The following FGGY variants were observed in gnomAD, a reference collection of about 807,000 sequenced individuals.
FGGY encodes FGGY carbohydrate kinase domain containing.
A neutral mutation model predicts 71.3 loss-of-function variants in FGGY; 72 were observed. That is an observed-to-expected ratio of 1.01 (90% confidence interval 0.84 to 1.23). FGGY has a LOEUF of 1.23. Among genes scored for constraint, FGGY ranks in the 50% most tolerant of loss-of-function variants. FGGY has a pLI of 0.00. For missense variants in FGGY, 668 were observed against 682.3 expected, an observed-to-expected ratio of 0.98 and a Z score of 0.23; for synonymous variants, 251 against 250.3, an observed-to-expected ratio of 1.00 and a Z score of -0.02.
At chr1:59,407,975 C>G (rs1337100363) in intron 5 of FGGY, among the ~76,000 whole-genome samples, 1 of 152,158 alleles carries the variant, frequency 6.6e-6, no homozygotes, top group Non-Finnish European at 1.5e-5. Flanking sequence ...AGGAAAGGTA[C>G]TCTTTACTTT....
At chr1:59,475,183 T>C (rs1368849505) in intron 6 of FGGY, among the ~76,000 whole-genome samples, 1 of 152,182 alleles carries the variant, frequency 6.6e-6, no homozygotes, top group Non-Finnish European at 1.5e-5. Context: ...ACAACCTTTT[T>C]CCAACCAAGA....
chr1:59,732,029 A>G (rs1294910429), intron 14 of FGGY, among the ~76,000 whole-genome samples: 1 of 152,110 alleles, frequency 6.6e-6, no homozygotes, highest in Non-Finnish European at 1.5e-5. Context: ...TCATCTGTAA[A>G]ATGGAGGTAA....
chr1:59,668,840 A>C (rs192933085), intron 13 of FGGY, among the ~76,000 whole-genome samples: 1 of 151,998 alleles, frequency 6.6e-6, no homozygotes, highest in Non-Finnish European at 1.5e-5. Flanking sequence ...AAAAAAAAAA[A>C]ATTAGCCAGG....
At chr1:59,459,371 G>A (rs180805196) in intron 6 of FGGY, among the ~76,000 whole-genome samples, 24 of 152,278 alleles carry the variant, frequency 1.6e-4, no homozygotes, top group African/African-American at 5.8e-4. Flanking sequence ...GGAGGTATTT[G>A]GATGGCTTGG....
At chr1:59,727,143 T>C (rs1260875387) in intron 14 of FGGY, among the ~76,000 whole-genome samples, 1 of 152,222 alleles carries the variant, frequency 6.6e-6, no homozygotes, top group Non-Finnish European at 1.5e-5. Flanking sequence ...ATATGTGGTA[T>C]TTGGTTTTCT....
intron 7 of FGGY, among the ~76,000 whole-genome samples, chr1:59,518,882 G>A (rs1439560018): frequency 1.3e-5 from 2 of 152,144 alleles, no homozygotes; most frequent in Non-Finnish European, 2.9e-5. Context: ...TGCGAGAATG[G>A]ACTAATACAA....
chr1:59,525,922 ATGTG>A (rs2094964087), intron 7 of FGGY, among the ~76,000 whole-genome samples: 1 of 152,146 alleles, frequency 6.6e-6, no homozygotes, highest in African/African-American at 2.4e-5. Context: ...TTATACATGT[ATGTG>A]TATTACATGT....
chr1:59,546,694 C>T (rs1055495907), intron 7 of FGGY, among the ~76,000 whole-genome samples: 7 of 151,528 alleles, frequency 4.6e-5, no homozygotes, highest in African/African-American at 1.2e-4. Context: ...CTATAGGTGC[C>T]GCCACCACGC....
At chr1:59,340,383 G>A (rs1423599720) in intron 3 of FGGY, among the ~76,000 whole-genome samples, 2 of 152,184 alleles carry the variant, frequency 1.3e-5, no homozygotes, top group Non-Finnish European at 2.9e-5. Context: ...TGGTTTTGAT[G>A]TTTTCTGAGA....
At position 59,540,637 on chromosome 1, in the gene FGGY, C is replaced by A. The variant is rs959514159; in HGVS notation, c.800-13487C>A. ...TTGTAAGACTCCACTAAATTCTATA[C>A]TTAAAATCTGTAGCTTTTTAATGTA... On this transcript the variant is annotated intron_variant, in intron 7 of 15. Coordinates refer to ENST00000303721, the MANE Select transcript of FGGY (RefSeq NM_018291.5). 8.5e-5 allele frequency among the ~76,000 whole-genome samples: 13 copies of A among 152,308 alleles called. No individual in the cohort carries two copies. The East Asian group carries it at 2.3e-3, about 27-fold the overall frequency.
At position 59,428,747 on chromosome 1, in the gene FGGY, A is replaced by G. The variant is rs147429154; in HGVS notation, c.555-28214A>G. On this transcript the variant is annotated intron_variant, in intron 5 of 15. Coordinates refer to ENST00000303721, the MANE Select transcript of FGGY (RefSeq NM_018291.5). ...GTTCATATTATGTTGCCCCAAGGTCACGTGGCTGGGAATTGAGCTGAGGAC... is the reference window on the plus strand; with the variant it reads ...GTTCATATTATGTTGCCCCAAGGTCGCGTGGCTGGGAATTGAGCTGAGGAC... 6.6e-4 allele frequency among the ~76,000 whole-genome samples: 101 copies of G among 152,344 alleles called. 1 individual carries two copies. Among genetic ancestry groups the G allele is most frequent in the African/African-American group, 2.4e-3 (99 of 41,576 alleles).
chr1:59,546,904 C>G (rs577713210), intron 7 of FGGY, among the ~76,000 whole-genome samples: 1 of 149,762 alleles, frequency 6.7e-6, no homozygotes, highest in Middle Eastern at 3.3e-3. Context: ...ACATTTCTTT[C>G]AAGGTCAAAG....
chr1:59,554,371 GCTCCCCACTCTAC>G, intron 8 of FGGY, 144 bp downstream of exon 8: 2 of 570,026 alleles, frequency 3.5e-6, no homozygotes, highest in Non-Finnish European at 6.1e-6. Context: ...CAGAAGCCCA[GCTCCCCACTCTAC>G]CTCCCTTGCT....
intron 4 of FGGY, among the ~76,000 whole-genome samples, chr1:59,347,226 T>C (rs952253201): frequency 5.1e-4 from 77 of 149,772 alleles, no homozygotes; most frequent in African/African-American, 1.8e-3. Context: ...AGGTATATCT[T>C]CTAATGCTAT....
rs79482951 is a variant in FGGY at position 59,440,069 on chromosome 1, T to G, written c.555-16892T>G. On this transcript the variant is annotated intron_variant, in intron 5 of 15. Transcript: ENST00000303721. ...GCTTAATTTATAAGACATAATTTAT[T>G]TGTTATAAACTGCTTTGCAAGGTTC... 8.0e-4 allele frequency among the ~76,000 whole-genome samples: 119 copies of G among 148,356 alleles called. 1 individual carries two copies. The highest frequency in any genetic ancestry group is 2.0e-3 in the Admixed American group (30 of 14,642).
intron 7 of FGGY, among the ~76,000 whole-genome samples, chr1:59,543,428 G>A (rs1350160325): frequency 6.6e-6 from 1 of 152,190 alleles, no homozygotes; most frequent in Non-Finnish European, 1.5e-5. Context: ...CGAAGCTTGA[G>A]TCAAGGATAA....
At chr1:59,423,378 A>G (rs1308519087) in intron 5 of FGGY, among the ~76,000 whole-genome samples, 3 of 152,082 alleles carry the variant, frequency 2.0e-5, no homozygotes, top group African/African-American at 4.8e-5. Context: ...TTTTGTGCCA[A>G]CGTGGACACC....
At chr1:59,436,084 G>C (rs1475462165) in intron 5 of FGGY, among the ~76,000 whole-genome samples, 1 of 152,098 alleles carries the variant, frequency 6.6e-6, no homozygotes, top group African/African-American at 2.4e-5. Context: ...CCGCGCTCAG[G>C]TTGGACTCCC....
intron 8 of FGGY, among the ~76,000 whole-genome samples, chr1:59,587,297 C>T (rs987641227): frequency 3.3e-5 from 5 of 152,040 alleles, no homozygotes; most frequent in Non-Finnish European, 5.9e-5. Flanking sequence ...CCTGGAAGCT[C>T]GAACTGGGTG....
Sources: allele counts gnomAD v4.1 joint callset (sites outside exome capture counted in the v4.1 genomes callset), GRCh38; gene constraint gnomAD v4.1.1; transcripts MANE v1.5; gene names NCBI Gene and HGNC (gene_info 2026-07-23, HGNC 2026-07-21).